ULK4: variants seen among roughly 807,000 people sequenced by gnomAD.
ULK4 encodes unc-51 like kinase 4, also known as inactive serine/threonine-protein kinase ULK4.
ULK4 carries 133 observed loss-of-function variants against 160.6 expected under a neutral mutation model. That is an observed-to-expected ratio of 0.83 (90% CI 0.72 to 0.96). The LOEUF (loss-of-function observed/expected upper bound fraction) is 0.96. ULK4 is among the 40% of genes least tolerant of loss of function. The pLI is 0.00. For missense variants in ULK4, 1,580 were observed against 1,499.5 expected, an observed-to-expected ratio of 1.05 and a Z score of -0.89; for synonymous variants, 534 against 539.8, an observed-to-expected ratio of 0.99 and a Z score of 0.15.
chr3:41,513,755 G>C (rs1170319725), intron 32 of ULK4, among the ~76,000 whole-genome samples: 2 of 152,250 alleles, frequency 1.3e-5, no homozygotes, highest in Non-Finnish European at 2.9e-5. Context: ...ATAATTGAGA[G>C]CTAAGCTCTG....
intron 34 of ULK4, among the ~76,000 whole-genome samples, chr3:41,453,247 C>T (rs1292866254): frequency 6.6e-6 from 1 of 152,168 alleles, no homozygotes; most frequent in Non-Finnish European, 1.5e-5. Flanking sequence ...GTCATCATTG[C>T]TGGCTGCCGC....
At chr3:41,576,444 T>C (rs2088190750) in intron 31 of ULK4, among the ~76,000 whole-genome samples, 1 of 152,318 alleles carries the variant, frequency 6.6e-6, no homozygotes, top group East Asian at 1.9e-4. Flanking sequence ...CCTGTGCCTA[T>C]GTGCAGTCCC....
At chr3:41,563,041 T>C (rs996286369) in intron 32 of ULK4, among the ~76,000 whole-genome samples, 1 of 152,216 alleles carries the variant, frequency 6.6e-6, no homozygotes, top group Non-Finnish European at 1.5e-5. Flanking sequence ...TAGGAGCTCT[T>C]GTAAGGCAAG....
rs2041073680 is a variant in ULK4 at position 41,819,493 on chromosome 3, T to C, written c.1778A>G (p.Lys593Arg). 1 of 1,483,798 alleles carries C rather than the reference T, an allele frequency of 6.7e-7. No homozygotes were observed. The highest frequency in any genetic ancestry group is 9.1e-7 in the Non-Finnish European group (1 of 1,099,740). The allele number at this position is 1,483,798 out of a possible 1,614,324, so 91.9% of individuals were successfully genotyped here. A position where few individuals can be genotyped will look rare whatever the true frequency, so the allele number is the denominator to read the frequency against. ...AACAGCCCAGCACTCTCTAGGGTTC[T>C]TTTTTTTTTCTTCCTAAAATGAAGT... ...YLVATQEEKKKNPRECWAVPL... is the reference protein window; with the variant it reads ...YLVATQEEKKRNPRECWAVPL... Residue 593 changes from lysine to arginine, a missense_variant, in exon 19 of 37, where the codon AAG becomes AGG. Lys to Arg is a conservative substitution (Grantham distance 26, BLOSUM62 2). Transcript: ENST00000301831.
intron 35 of ULK4, among the ~76,000 whole-genome samples, chr3:41,325,602 T>G (rs149562680): frequency 6.6e-6 from 1 of 152,138 alleles, no homozygotes; most frequent in Non-Finnish European, 1.5e-5. Flanking sequence ...AATAAAAGGA[T>G]GGATTTTATT....
At chr3:41,477,950 G>C (rs900360386) in intron 32 of ULK4, among the ~76,000 whole-genome samples, 4 of 152,198 alleles carry the variant, frequency 2.6e-5, no homozygotes, top group Admixed American at 2.0e-4. Context: ...GCTCACCTAG[G>C]TTGGCATAAG....
chr3:41,693,583 TAAG>T (rs2125810705), intron 27 of ULK4, among the ~76,000 whole-genome samples: 1 of 152,132 alleles, frequency 6.6e-6, no homozygotes, highest in South Asian at 2.1e-4. Flanking sequence ...ACATTCAGTA[TAAG>T]AAGGAAAAAT....
At chr3:41,254,270 A>G (rs960163502) in intron 35 of ULK4, among the ~76,000 whole-genome samples, 24 of 152,210 alleles carry the variant, frequency 1.6e-4, no homozygotes, top group African/African-American at 4.6e-4. Context: ...AACACATTTA[A>G]AAAAATTGAA....
At chr3:41,429,632 T>C (rs2082857699) in intron 34 of ULK4, among the ~76,000 whole-genome samples, 1 of 151,800 alleles carries the variant, frequency 6.6e-6, no homozygotes, top group African/African-American at 2.4e-5. Flanking sequence ...GGCAAACTAA[T>C]GCAGGAACGA....
At chr3:41,623,243 A>T (rs1361760774) in intron 30 of ULK4, among the ~76,000 whole-genome samples, 1 of 152,178 alleles carries the variant, frequency 6.6e-6, no homozygotes, top group African/African-American at 2.4e-5. Context: ...CTGGCCTCCC[A>T]GGAGCTTATT....
chr3:41,351,031 G>T (rs2080898930), intron 35 of ULK4, among the ~76,000 whole-genome samples: 1 of 152,162 alleles, frequency 6.6e-6, no homozygotes, highest in African/African-American at 2.4e-5. Flanking sequence ...AGCATGTCAG[G>T]TGATAAACTT....
At chr3:41,814,619 ATT>A (rs1211097778) in intron 19 of ULK4, among the ~76,000 whole-genome samples, 1 of 151,984 alleles carries the variant, frequency 6.6e-6, no homozygotes, top group Non-Finnish European at 1.5e-5. Context: ...TAGGGTTGCA[ATT>A]TTGTCATATT....
chr3:41,782,178 G>T, intron 21 of ULK4, among the ~76,000 whole-genome samples: 1 of 148,108 alleles, frequency 6.8e-6, no homozygotes, highest in African/African-American at 2.5e-5. Context: ...TTTTGGGCAA[G>T]TTCAAGTATG....
At chr3:41,332,698 T>G (rs928868098) in intron 35 of ULK4, among the ~76,000 whole-genome samples, 1 of 152,238 alleles carries the variant, frequency 6.6e-6, no homozygotes, top group African/African-American at 2.4e-5. Flanking sequence ...GCAGGTTTGT[T>G]ATGTGAACAT....
intron 35 of ULK4, among the ~76,000 whole-genome samples, chr3:41,288,738 T>C (rs550380172): frequency 1.3e-5 from 2 of 152,218 alleles, no homozygotes; most frequent in Admixed American, 6.5e-5. Context: ...TAAGAATACT[T>C]TGAGGGACCT....
intron 27 of ULK4, among the ~76,000 whole-genome samples, chr3:41,683,765 A>C (rs9864465): frequency 0.13 from 20,513 of 152,004 alleles, 3,290 homozygotes; most frequent in African/African-American, 0.38. Flanking sequence ...CAGCATAGGC[A>C]AAAACAGTCA....
At chr3:41,821,535 C>G (rs1030755634) in intron 18 of ULK4, among the ~76,000 whole-genome samples, 4 of 152,188 alleles carry the variant, frequency 2.6e-5, no homozygotes, top group Non-Finnish European at 4.4e-5. Flanking sequence ...ACAGGTTCCT[C>G]CATTCCTGTC....
intron 4 of ULK4, among the ~76,000 whole-genome samples, chr3:41,934,000 T>C (rs958907500): frequency 6.6e-6 from 1 of 152,088 alleles, no homozygotes; most frequent in Non-Finnish European, 1.5e-5. Flanking sequence ...ATCACACCAC[T>C]GCACTCCAGC....
intron 32 of ULK4, among the ~76,000 whole-genome samples, chr3:41,549,319 T>C (rs576757685): frequency 1.3e-5 from 2 of 152,002 alleles, no homozygotes; most frequent in Non-Finnish European, 2.9e-5. Context: ...ATGATATCAA[T>C]GAGAATTTCA....
Sources: allele counts gnomAD v4.1 joint callset (sites outside exome capture counted in the v4.1 genomes callset), GRCh38; gene constraint gnomAD v4.1.1; transcripts MANE v1.5; gene names NCBI Gene and HGNC (gene_info 2026-07-23, HGNC 2026-07-21).